The following RFX3 variants were observed in gnomAD, a reference collection of about 807,000 sequenced individuals.
The protein encoded by RFX3 is transcription factor RFX3.
Under a neutral mutation model 98.6 loss-of-function variants are expected in RFX3, and 14 were observed. The ratio of observed to expected loss-of-function variants is 0.14; its 90% CI spans 0.09 to 0.22. The LOEUF (loss-of-function observed/expected upper bound fraction) is 0.22. Ranked by LOEUF, RFX3 falls within the 10% of genes least tolerant of loss-of-function variation. The probability of loss-of-function intolerance (pLI) is 1.00; values close to 1 mark genes in which losing one functional copy is unlikely to be tolerated. For synonymous variants in RFX3, 383 were observed against 328.4 expected, an observed-to-expected ratio of 1.17 and a Z score of -1.80; for missense variants, 639 against 926.9, an observed-to-expected ratio of 0.69 and a Z score of 4.03.
At chr9:3,243,048 A>T (rs1046233524) in intron 15 of RFX3, among the ~76,000 whole-genome samples, 15 of 151,996 alleles carry the variant, frequency 9.9e-5, no homozygotes, top group African/African-American at 3.4e-4. Flanking sequence ...TGTTTTAAAG[A>T]GATAAAGCAG....
chr9:3,364,771 G>C (rs959879951), intron 2 of RFX3: 2 of 152,492 alleles, frequency 1.3e-5, no homozygotes, highest in Non-Finnish European at 2.9e-5. Flanking sequence ...CTTAACCAAC[G>C]TTCTATTGAA....
chr9:3,386,423 A>G (rs1339078457), intron 2 of RFX3, among the ~76,000 whole-genome samples: 1 of 152,198 alleles, frequency 6.6e-6, no homozygotes, highest in East Asian at 1.9e-4. Context: ...TTAGCTATAA[A>G]TGAGCAAGAC....
chr9:3,442,686 T>C (rs1845708248), intron 1 of RFX3, among the ~76,000 whole-genome samples: 1 of 152,206 alleles, frequency 6.6e-6, no homozygotes, highest in Non-Finnish European at 1.5e-5. Context: ...TATGGGAACC[T>C]CTGTACTACC....
At chr9:3,228,910 G>C (rs749149331) in intron 15 of RFX3, 21 bp from the exon 16 acceptor site, 42 of 1,604,916 alleles carry the variant, frequency 2.6e-5, no homozygotes, top group Non-Finnish European at 3.4e-6. Context: ...ATAGTCATTT[G>C]TGCAATAGTT....
intron 1 of RFX3, among the ~76,000 whole-genome samples, chr9:3,455,192 C>T (rs981091459): frequency 1.3e-5 from 2 of 152,148 alleles, no homozygotes; most frequent in Admixed American, 1.3e-4. Flanking sequence ...GACTTCTTAC[C>T]AAGGTCTTTA....
At chr9:3,505,604 A>G (rs1817008273) in intron 1 of RFX3, among the ~76,000 whole-genome samples, 2 of 150,398 alleles carry the variant, frequency 1.3e-5, no homozygotes, top group South Asian at 4.1e-4. Flanking sequence ...CAGGAAGGCC[A>G]GCAGCTACCA....
At chr9:3,502,006 C>G (rs960580953) in intron 1 of RFX3, among the ~76,000 whole-genome samples, 1 of 151,990 alleles carries the variant, frequency 6.6e-6, no homozygotes, top group Admixed American at 6.5e-5. Flanking sequence ...AATCCCAGCA[C>G]TCTGGGAGGC....
At chr9:3,475,669 T>C (rs1849181195) in intron 1 of RFX3, among the ~76,000 whole-genome samples, 1 of 152,252 alleles carries the variant, frequency 6.6e-6, no homozygotes, top group African/African-American at 2.4e-5. Context: ...ATTTTGCTAC[T>C]GCTGCCTAAA....
Position 3,220,447 on chromosome 9 carries a change from A to T in RFX3, c.*4595T>A, listed in dbSNP as rs1294710925. On this transcript the variant is annotated 3_prime_UTR_variant, in exon 17 of 17. Transcript: ENST00000617270. Reference sequence around the variant, plus strand: ...TTATGACATAGGTCTATCCAGGCCCATGTATTTGTCCTCCTTTTCTAGAGA... The same window carrying T: ...TTATGACATAGGTCTATCCAGGCCCTTGTATTTGTCCTCCTTTTCTAGAGA... 1 of 152,094 alleles carries T rather than the reference A, an allele frequency of 6.6e-6. No homozygotes were observed. Among genetic ancestry groups the T allele is most frequent in the Middle Eastern group, 3.2e-3 (1 of 316 alleles). 9.4% of individuals were successfully genotyped at this position (152,094 alleles called of 1,614,324 possible). A position where few individuals can be genotyped will look rare whatever the true frequency, so the allele number is the denominator to read the frequency against.
intron 1 of RFX3, among the ~76,000 whole-genome samples, chr9:3,431,795 G>A (rs1358684178): frequency 1.3e-5 from 2 of 152,114 alleles, no homozygotes; most frequent in South Asian, 2.1e-4. Context: ...AGCAGCAGAC[G>A]AGTTCCCAGA....
At chr9:3,255,192 G>T (rs1475900211) in intron 14 of RFX3, among the ~76,000 whole-genome samples, 1 of 152,108 alleles carries the variant, frequency 6.6e-6, no homozygotes, top group Non-Finnish European at 1.5e-5. Context: ...AGTTGAGAAA[G>T]AAAAAAGTCA....
At chr9:3,506,401 T>C (rs571951305) in intron 1 of RFX3, among the ~76,000 whole-genome samples, 2 of 151,780 alleles carry the variant, frequency 1.3e-5, no homozygotes, top group Non-Finnish European at 2.9e-5. Context: ...GTCCTGATCC[T>C]CTACTTTTGA....
intron 3 of RFX3, among the ~76,000 whole-genome samples, chr9:3,333,182 T>C (rs994853473): frequency 6.6e-6 from 1 of 152,212 alleles, no homozygotes; most frequent in Non-Finnish European, 1.5e-5. Context: ...AATTTCTGTA[T>C]CACAAATCTT....
intron 5 of RFX3, among the ~76,000 whole-genome samples, chr9:3,299,382 C>A (rs1257508678): frequency 6.6e-6 from 1 of 151,702 alleles, no homozygotes; most frequent in African/African-American, 2.4e-5. Context: ...AAGAAACTAA[C>A]CTCACTGATC....
chr9:3,311,000 G>A (rs1385990000), intron 4 of RFX3, among the ~76,000 whole-genome samples: 1 of 151,970 alleles, frequency 6.6e-6, no homozygotes, highest in Non-Finnish European at 1.5e-5. Flanking sequence ...GAAGTTACTA[G>A]GCAATAAAAA....
intron 1 of RFX3, among the ~76,000 whole-genome samples, chr9:3,517,302 C>A (rs777337632): frequency 1.3e-5 from 2 of 152,110 alleles, no homozygotes; most frequent in Non-Finnish European, 2.9e-5. Flanking sequence ...AGAGTGAGAA[C>A]CTTTATTTTC....
chr9:3,363,865 T>C (rs1836751652), intron 2 of RFX3, among the ~76,000 whole-genome samples: 1 of 152,170 alleles, frequency 6.6e-6, no homozygotes, highest in Non-Finnish European at 1.5e-5. Context: ...ATAAATCATA[T>C]ACTAAAAACT....
chr9:3,298,460 T>C (rs1828261564), intron 5 of RFX3, among the ~76,000 whole-genome samples: 1 of 151,886 alleles, frequency 6.6e-6, no homozygotes, highest in African/African-American at 2.4e-5. Context: ...GCCTGATCCC[T>C]TCTATTGTTT....
intron 1 of RFX3, among the ~76,000 whole-genome samples, chr9:3,503,910 T>C (rs376390840): frequency 6.6e-6 from 1 of 151,876 alleles, no homozygotes; most frequent in African/African-American, 2.4e-5. Context: ...AAATTAGCAG[T>C]CTGGCTAACT....
Sources: allele counts gnomAD v4.1 joint callset (sites outside exome capture counted in the v4.1 genomes callset), GRCh38; gene constraint gnomAD v4.1.1; transcripts MANE v1.5; gene names NCBI Gene and HGNC (gene_info 2026-07-23, HGNC 2026-07-21).